FASTKD1: variants seen among roughly 807,000 people sequenced by gnomAD.
FASTKD1 encodes FAST kinase domains 1, also known as FAST kinase domain-containing protein 1, mitochondrial.
A neutral mutation model predicts 90.9 loss-of-function variants in FASTKD1; 94 were observed. The observed-to-expected ratio is 1.03, with a 90% CI of 0.88 to 1.23. The LOEUF (loss-of-function observed/expected upper bound fraction) is 1.23. Among genes scored for constraint, FASTKD1 ranks in the 50% most tolerant of loss-of-function variants. The pLI is 0.00. For missense variants in FASTKD1, 945 were observed against 993.5 expected (o/e 0.95, Z 0.66); for synonymous variants, 319 against 345.8 (o/e 0.92, Z 0.86).
At position 169,542,603 on chromosome 2, in the gene FASTKD1, C is replaced by T. The variant is rs531482927; in HGVS notation, c.1816+2118G>A. Among the ~76,000 whole-genome samples the T allele has an allele frequency of 6.6e-5, 10 of 152,278 alleles. No individual in the cohort carries two copies. In the East Asian group the frequency reaches 1.7e-3, roughly 26 times the overall value. On this transcript the variant is annotated intron_variant, in intron 9 of 14. Transcript: ENST00000453153. ...TTTTCTGGCCAGGTGTGGTGGCACA[C>T]GCCTGTAATTCCAGCACTTGGGAGG...
intron 8 of FASTKD1, 144 bp downstream of exon 8, chr2:169,546,074 G>T (rs1322772721): frequency 3.5e-6 from 3 of 846,858 alleles, no homozygotes; most frequent in Admixed American, 3.1e-5. Context: ...GGAATTACAG[G>T]CTTGAGCTAC....
chr2:169,564,959 T>C (rs1373106753), intron 3 of FASTKD1, among the ~76,000 whole-genome samples: 3 of 150,244 alleles, frequency 2.0e-5, no homozygotes, highest in African/African-American at 4.9e-5. Context: ...TTTCTTTTTT[T>C]TTTTTTTTTT....
intron 7 of FASTKD1, among the ~76,000 whole-genome samples, chr2:169,548,718 C>CG (rs1685337839): frequency 1.2e-5 from 1 of 84,308 alleles, no homozygotes; most frequent in Admixed American, 2.0e-4. Flanking sequence ...GGTGACAGAG[C>CG]AAGACTCCGC....
At position 169,544,806 on chromosome 2, in the gene FASTKD1, A is replaced by T. The variant is rs1685115108; in HGVS notation, c.1731T>A (p.Ile577=). 1.2e-6 allele frequency: 2 copies of T among 1,611,674 alleles called. No individual in the cohort carries two copies. The highest frequency in any genetic ancestry group is 2.7e-5 in the African/African-American group (2 of 74,882). The change falls in exon 9 of 15, where the codon ATT becomes ATA. Residue 577 remains isoleucine (I), a synonymous_variant. Transcript: ENST00000453153. ...CATAGTTCAATACGCTGAATGGACG[A>T]ATAATAGCAGGGATTGTAAAAGGAT... is the stretch of plus-strand genomic sequence containing the variant. ...KIHPFTIPAI[I]RPFSVLNYDP...
rs932192199 is a variant in FASTKD1, at chr2:169,553,930, T to C, written c.1214+1194A>G. ...GAGCGAGACTCCATCTCAAAAAAAA[T>C]AAATAAATAACGGTAAGAAATCAAA... On this transcript the variant is annotated intron_variant, in intron 7 of 14. Transcript: ENST00000453153. 6.8e-5 allele frequency among the ~76,000 whole-genome samples: 10 copies of C among 147,230 alleles called. No individual in the cohort carries two copies. In the South Asian group the frequency reaches 2.2e-3, roughly 32 times the overall value.
intron 9 of FASTKD1, among the ~76,000 whole-genome samples, chr2:169,544,215 A>G (rs903838528): frequency 2.0e-5 from 3 of 152,194 alleles, no homozygotes; most frequent in African/African-American, 7.2e-5. Context: ...GTGAGTATAT[A>G]TGTGTTCTTT....
chr2:169,563,214 A>C lies in FASTKD1; in HGVS notation c.572+11T>G, dbSNP rs758362243. 11 of 1,607,850 alleles carry C rather than the reference A, an allele frequency of 6.8e-6. No homozygotes were observed. The highest frequency in any genetic ancestry group is 5.1e-5 in the Admixed American group (3 of 59,370). On this transcript the variant is annotated intron_variant, in intron 4 of 14. Coordinates refer to ENST00000453153, the MANE Select transcript of FASTKD1 (RefSeq NM_024622.6). ...TTCCACCACAACACAAGATTCCCTA[A>C]ATAAATTTACCTTAAGTCCTGTGTG...
At chr2:169,571,543 G>T in intron 2 of FASTKD1, 110 bp downstream of exon 2, 1 of 785,952 alleles carries the variant, frequency 1.3e-6, no homozygotes, top group Non-Finnish European at 1.9e-6. Flanking sequence ...CAGCCTGGGC[G>T]ACAGAGACTC....
intron 7 of FASTKD1, among the ~76,000 whole-genome samples, chr2:169,550,195 G>A (rs998480953): frequency 1.3e-5 from 2 of 152,112 alleles, no homozygotes; most frequent in Non-Finnish European, 2.9e-5. Flanking sequence ...TGGCTAAAAT[G>A]TGAAAACAAT....
At chr2:169,531,294 AG>A (rs1684475704) in intron 13 of FASTKD1, 57 bp downstream of exon 13, 1 of 1,535,636 alleles carries the variant, frequency 6.5e-7, no homozygotes, top group Admixed American at 1.7e-5. Context: ...ACTTCAGTAT[AG>A]TACACCAAAT....
At chr2:169,561,759 A>G (rs553374509) in intron 4 of FASTKD1, among the ~76,000 whole-genome samples, 11 of 138,134 alleles carry the variant, frequency 8.0e-5, no homozygotes, top group Middle Eastern at 4.0e-3. Context: ...TAAATTATTT[A>G]TTAATTTATT....
At chr2:169,571,613 T>G in intron 2 of FASTKD1, 40 bp downstream of exon 2, 1 of 1,233,388 alleles carries the variant, frequency 8.1e-7, no homozygotes, top group Non-Finnish European at 1.1e-6. Context: ...AAATGTAAAC[T>G]ATATAATCAT....
At position 169,564,029 on chromosome 2, in the gene FASTKD1, G is replaced by A. The variant is rs1574410504; in HGVS notation, c.447-679C>T. Among the ~76,000 whole-genome samples, 3 of 152,110 alleles carry A rather than the reference G, an allele frequency of 2.0e-5. No individual in the cohort carries two copies. In the East Asian group the frequency reaches 5.8e-4, roughly 29 times the overall value. On this transcript the variant is annotated intron_variant, in intron 3 of 14. Transcript: ENST00000453153. ...CTTTTTGGGTGAGAGGACTAGAAGA[G>A]AACATGAAAAGAACTAATGATGTTG...
At chr2:169,548,454 G>A (rs1263029561) in intron 7 of FASTKD1, among the ~76,000 whole-genome samples, 1 of 150,662 alleles carries the variant, frequency 6.6e-6, no homozygotes, top group Admixed American at 6.6e-5. Context: ...AACTGGGGCC[G>A]GGCATGGTGG....
chr2:169,553,766 C>CA (rs1391833440), intron 7 of FASTKD1, among the ~76,000 whole-genome samples: 2 of 151,404 alleles, frequency 1.3e-5, no homozygotes, highest in African/African-American at 4.9e-5. Flanking sequence ...AAAAAAAATA[C>CA]AAAAAATTAG....
intron 12 of FASTKD1, among the ~76,000 whole-genome samples, chr2:169,535,020 A>G (rs1684669093): frequency 6.6e-6 from 1 of 151,886 alleles, no homozygotes; most frequent in Non-Finnish European, 1.5e-5. Context: ...TGTTCTGAAG[A>G]AAAAAAGAAA....
At chr2:169,547,561 T>G (rs1257783257) in intron 7 of FASTKD1, among the ~76,000 whole-genome samples, 1 of 152,048 alleles carries the variant, frequency 6.6e-6, no homozygotes, top group African/African-American at 2.4e-5. Flanking sequence ...AAAGCCAATA[T>G]ATATAACATC....
chr2:169,558,452 T>C (rs1683428314), intron 5 of FASTKD1, among the ~76,000 whole-genome samples: 1 of 151,674 alleles, frequency 6.6e-6, no homozygotes. Flanking sequence ...TTTTGTATTT[T>C]TTTGTTTGTT....
intron 12 of FASTKD1, among the ~76,000 whole-genome samples, chr2:169,532,114 G>A (rs963966823): frequency 5.9e-5 from 9 of 152,118 alleles, no homozygotes; most frequent in African/African-American, 1.9e-4. Flanking sequence ...CCACTGATGA[G>A]TCTTAATGTA....
Sources: gnomAD v4.1 joint callset for allele counts (sites outside exome capture counted in the v4.1 genomes callset) on GRCh38, gnomAD v4.1.1 for gene constraint, MANE v1.5 for transcripts, NCBI Gene and HGNC (gene_info 2026-07-23, HGNC 2026-07-21) for gene names.